Variants in ZNF782 observed in about 807,000 individuals in gnomAD.
ZNF782 encodes the protein zinc finger protein 782.
In ZNF782, 12 loss-of-function variants were observed where a neutral mutation model predicts 13.0. The ratio of observed to expected loss-of-function variants is 0.92; its 90% CI spans 0.59 to 1.50. The LOEUF (loss-of-function observed/expected upper bound fraction) is 1.50, where lower values mean the gene tolerates loss of function less well. ZNF782 is among the 40% of genes most tolerant of loss of function. The pLI is 0.00. For synonymous variants in ZNF782, 284 were observed against 283.0 expected (o/e 1.00, Z -0.04); for missense variants, 770 against 822.9 (o/e 0.94, Z 0.79).
chr9:96,885,427 T>C, the ZNF782 span, among the ~76,000 whole-genome samples: 6 of 151,906 alleles, frequency 3.9e-5, no homozygotes, highest in Non-Finnish European at 7.4e-5. Context: ...GACAGATCAA[T>C]AAAATTTACC....
intron 3 of ZNF782, among the ~76,000 whole-genome samples, chr9:96,851,574 CAT>C (rs1851488438): frequency 6.6e-6 from 1 of 152,122 alleles, no homozygotes; most frequent in Non-Finnish European, 1.5e-5. Flanking sequence ...GCTAGGAAAA[CAT>C]GTAAGAAGCA....
intron 3 of ZNF782, among the ~76,000 whole-genome samples, chr9:96,847,279 A>T (rs887148139): frequency 2.6e-5 from 4 of 152,152 alleles, no homozygotes; most frequent in African/African-American, 9.7e-5. Context: ...GCACCAGAGA[A>T]ACAGGAACTA....
upstream of ZNF782, among the ~76,000 whole-genome samples, chr9:96,880,493 G>C (rs1035617208): frequency 6.6e-6 from 1 of 152,170 alleles, no homozygotes; most frequent in Admixed American, 6.6e-5. Flanking sequence ...TATTATAAAT[G>C]GATGTTTGAT....
At chr9:96,884,356 C>A in the ZNF782 span, among the ~76,000 whole-genome samples, 1 of 152,210 alleles carries the variant, frequency 6.6e-6, no homozygotes, top group Non-Finnish European at 1.5e-5. Context: ...CAGGCCCTGT[C>A]ATGAAGGTCC....
chr9:96,896,539 T>C, the ZNF782 span, among the ~76,000 whole-genome samples: 1 of 152,190 alleles, frequency 6.6e-6, no homozygotes, highest in Admixed American at 6.5e-5. Flanking sequence ...GTGGTCGAGA[T>C]ATCCCTTCTA....
chr9:96,917,885 G>GGCGCGCGTGCGTGCGT, the ZNF782 span, among the ~76,000 whole-genome samples: 3 of 113,174 alleles, frequency 2.7e-5, no homozygotes, highest in African/African-American at 1.5e-4. Context: ...CACCACCCTT[G>GGCGCGCGTGCGTGCGT]GCGTGTGTGT....
chr9:96,908,387 G>C, the ZNF782 span, among the ~76,000 whole-genome samples: 1 of 152,374 alleles, frequency 6.6e-6, no homozygotes, highest in East Asian at 1.9e-4. Context: ...GTAAATTTTT[G>C]ACAAAGGAAT....
chr9:96,908,346 G>A, the ZNF782 span, among the ~76,000 whole-genome samples: 3 of 152,104 alleles, frequency 2.0e-5, no homozygotes, highest in African/African-American at 7.2e-5. Context: ...CAAAGTGCTG[G>A]GATTACAGCA....
rs989919944 is a variant in ZNF782, at chr9:96,852,939, A to T, written c.-131T>A. On this transcript the variant is annotated 5_prime_UTR_variant, in exon 2 of 6. It adds an upstream start codon to the 5' untranslated region. Transcript: ENST00000481138. The stretch of plus-strand genomic sequence containing the variant: ...AAACTCACTGAACCTTTCATGCCCA[A>T]TGTCTTTAAAGCTTTCAAAAGAATC... The T allele has an allele frequency of 6.5e-6, 1 of 152,772 alleles. No homozygotes were observed. The highest frequency in any genetic ancestry group is 2.1e-4 in the South Asian group (1 of 4,832). 9.5% of individuals were successfully genotyped at this position (152,772 alleles called of 1,614,324 possible).
chr9:96,901,270 C>CTTT, the ZNF782 span, among the ~76,000 whole-genome samples: 18 of 126,890 alleles, frequency 1.4e-4, no homozygotes, highest in African/African-American at 2.8e-4. Context: ...TGAAAAAAAA[C>CTTT]TTTTTTTTTT....
chr9:96,876,863 G>A (rs1308812575), upstream of ZNF782, among the ~76,000 whole-genome samples: 7 of 147,384 alleles, frequency 4.7e-5, no homozygotes, highest in East Asian at 1.4e-3. Flanking sequence ...AAAATTAGCG[G>A]GGTGTGGTGG....
At chr9:96,926,936 G>A in the ZNF782 span, among the ~76,000 whole-genome samples, 1 of 152,126 alleles carries the variant, frequency 6.6e-6, no homozygotes, top group Non-Finnish European at 1.5e-5. Context: ...CTGCTGCCCA[G>A]CAGGGAGTGA....
Position 96,837,080 on chromosome 9 carries a change from A to G in ZNF782, c.142+7810T>C, listed in dbSNP as rs142505741. On this transcript the variant is annotated intron_variant, in intron 4 of 5. Coordinates refer to ENST00000481138, the MANE Select transcript of ZNF782 (RefSeq NM_001001662.3). Reference sequence around the variant, plus strand: ...CTAGCAACACAAACTGGACTGAGACACTCCCATAGTTTTGTTTTTTGAGCA... The same window carrying G: ...CTAGCAACACAAACTGGACTGAGACGCTCCCATAGTTTTGTTTTTTGAGCA... Among the ~76,000 whole-genome samples the G allele has an allele frequency of 2.3e-3, 352 of 152,192 alleles. 3 individuals carry two copies. Among genetic ancestry groups the G allele is most frequent in the African/African-American group, 8.0e-3 (332 of 41,504 alleles).
chr9:96,925,087 GC>G, the ZNF782 span, among the ~76,000 whole-genome samples: 1 of 152,172 alleles, frequency 6.6e-6, no homozygotes, highest in Non-Finnish European at 1.5e-5. Flanking sequence ...TTGGGTAACC[GC>G]CCTTTCCGCT....
At chr9:96,843,410 A>C (rs561037613) in intron 4 of ZNF782, among the ~76,000 whole-genome samples, 1 of 152,304 alleles carries the variant, frequency 6.6e-6, no homozygotes, top group East Asian at 1.9e-4. Context: ...CTGAGTGAAA[A>C]AGCCAGTCTC....
At chr9:96,827,275 CAG>C in intron 4 of ZNF782, 94 bp from the exon 5 acceptor site, 1 of 811,086 alleles carries the variant, frequency 1.2e-6, no homozygotes, top group East Asian at 2.8e-5. Context: ...GGGGCATATT[CAG>C]GGTGCTCACT....
chr9:96,922,599 C>T, the ZNF782 span, among the ~76,000 whole-genome samples: 6 of 152,264 alleles, frequency 3.9e-5, no homozygotes, highest in African/African-American at 7.2e-5. Flanking sequence ...GGTGAAACCT[C>T]GTCTCTACTA....
At chr9:96,893,823 A>AC in the ZNF782 span, 1 of 144,028 alleles carries the variant, frequency 6.9e-6, no homozygotes, top group Non-Finnish European at 1.5e-5. Flanking sequence ...GCACGGTGAA[A>AC]CCCCTTCTCT....
chr9:96,878,870 A>G (rs1431451512), upstream of ZNF782, among the ~76,000 whole-genome samples: 6 of 152,260 alleles, frequency 3.9e-5, no homozygotes, highest in Non-Finnish European at 1.5e-5. Flanking sequence ...GGAGTCCTCA[A>G]AGAGGCTTGT....
Sources: gnomAD v4.1 joint callset for allele counts (sites outside exome capture counted in the v4.1 genomes callset) on GRCh38, gnomAD v4.1.1 for gene constraint, MANE v1.5 for transcripts, NCBI Gene and HGNC (gene_info 2026-07-23, HGNC 2026-07-21) for gene names.